The following KIF17 variants were observed in gnomAD, a reference collection of about 807,000 sequenced individuals.
KIF17 encodes kinesin family member 17, also known as kinesin-like protein KIF17.
Under a neutral mutation model 96.8 loss-of-function variants are expected in KIF17, and 80 were observed. That is an observed-to-expected ratio of 0.83 (90% CI 0.69 to 1.00). The LOEUF (loss-of-function observed/expected upper bound fraction) is 1.00, where lower values mean the gene tolerates loss of function less well. Among genes scored for constraint, KIF17 ranks in the 50% least tolerant of loss-of-function variants. The pLI is 0.00. For synonymous variants in KIF17, 567 were observed against 587.5 expected (o/e 0.97, Z 0.51); for missense variants, 1,280 against 1,372.9 (o/e 0.93, Z 1.07).
rs1312405934 is a variant in KIF17, at chr1:20,712,615, TA to T, written c.480+838del. Among the ~76,000 whole-genome samples the T allele has an allele frequency of 8.2e-4, 25 of 30,518 alleles. 4 individuals are homozygous for T. Among genetic ancestry groups the T allele is most frequent in the Admixed American group, 1.5e-3 (4 of 2,678 alleles). 20.0% of individuals were successfully genotyped at this position (30,518 alleles called of 152,430 possible). A position where few individuals can be genotyped will look rare whatever the true frequency, so the allele number is the denominator to read the frequency against. On this transcript the variant is annotated intron_variant, in intron 3 of 14. Transcript: ENST00000400463. ...ATATCTATATATATCTATATATATA[TA>T]ATATAGATAATATCTATATATATAA...
chr1:20,663,849 C>A (rs556123098), downstream of KIF17, among the ~76,000 whole-genome samples: 2 of 152,216 alleles, frequency 1.3e-5, no homozygotes, highest in African/African-American at 4.8e-5. Flanking sequence ...AAAATTCAGA[C>A]GCTCTTCCCA....
downstream of KIF17, among the ~76,000 whole-genome samples, chr1:20,662,781 G>A (rs2154534558): frequency 6.6e-6 from 1 of 152,328 alleles, no homozygotes; most frequent in African/African-American, 2.4e-5. Context: ...AACACCCTGA[G>A]TTCCACACCT....
intron 13 of KIF17, among the ~76,000 whole-genome samples, chr1:20,667,679 C>T (rs1482422752): frequency 6.6e-6 from 1 of 152,186 alleles, no homozygotes; most frequent in Non-Finnish European, 1.5e-5. Context: ...TGGAGAAAGC[C>T]TTCAGTTAGC....
At chr1:20,671,905 G>C in intron 12 of KIF17, 33 bp downstream of exon 12, 1 of 1,607,128 alleles carries the variant, frequency 6.2e-7, no homozygotes, top group Non-Finnish European at 8.5e-7. Context: ...GTGAAGGAGG[G>C]AGGGGAGGGC....
intron 6 of KIF17, among the ~76,000 whole-genome samples, chr1:20,695,699 T>C (rs1030408316): frequency 1.3e-5 from 2 of 152,020 alleles, no homozygotes; most frequent in African/African-American, 4.8e-5. Context: ...CTCCACCTCC[T>C]CTGAACCCAC....
At chr1:20,710,694 G>T (rs1015504422) in intron 3 of KIF17, among the ~76,000 whole-genome samples, 8 of 152,180 alleles carry the variant, frequency 5.3e-5, no homozygotes, top group Non-Finnish European at 1.2e-4. Context: ...GGGGTCCCAG[G>T]TGGGCTCAGG....
rs1462201431 is a variant in KIF17, at chr1:20,717,857, CG to C, written c.-152del. On this transcript the variant is annotated 5_prime_UTR_variant, in exon 1 of 15. Transcript: ENST00000400463. ...GCCGCGGCGGGGGGCGGGGACCCCT[CG>C]GGGGGCGCCCCGGAGGGGAGCTGGG... is the stretch of plus-strand genomic sequence containing the variant. 2.1e-6 allele frequency: 1 copy of C among 480,310 alleles called. No homozygotes were observed. Among genetic ancestry groups the C allele is most frequent in the Non-Finnish European group, 2.5e-6 (1 of 401,004 alleles). The allele number at this position is 480,310 out of a possible 1,614,324, so 29.8% of individuals were successfully genotyped here. A position where few individuals can be genotyped will look rare whatever the true frequency, so the allele number is the denominator to read the frequency against.
chr1:20,695,570 C>G (rs1041890718), intron 6 of KIF17, among the ~76,000 whole-genome samples: 1 of 152,298 alleles, frequency 6.6e-6, no homozygotes, highest in South Asian at 2.1e-4. Context: ...CAGTCCTACC[C>G]TTTAGCTCTG....
In KIF17 at chr1:20,664,531, G is replaced by A; in HGVS notation, c.*53C>T. 6.2e-7 allele frequency: 1 copy of A among 1,613,240 alleles called. No homozygotes were observed. The highest frequency in any genetic ancestry group is 8.5e-7 in the Non-Finnish European group (1 of 1,180,016). On this transcript the variant is annotated 3_prime_UTR_variant, in exon 15 of 15. Transcript: ENST00000400463. Reference sequence around the variant, plus strand: ...AGACCTGGTTGGGGCTGCCCTGGGAGGGCCTGGCAGTCTCTACATGCCTAT... The same window carrying A: ...AGACCTGGTTGGGGCTGCCCTGGGAAGGCCTGGCAGTCTCTACATGCCTAT...
At position 20,712,906 on chromosome 1, in the gene KIF17, T is replaced by TATAATATAGATAATATATTATC. The variant is rs1557607194; in HGVS notation, c.480+547_480+548insGATAATATATTATCTATATTAT. On this transcript the variant is annotated intron_variant, in intron 3 of 14. Coordinates refer to ENST00000400463, the MANE Select transcript of KIF17 (RefSeq NM_001122819.3). Reference sequence around the variant, plus strand: ...TATAATATAGATAATATTATCTATATTATATATATAATATATCTATATTAT... The same window carrying TATAATATAGATAATATATTATC: ...TATAATATAGATAATATTATCTATATATAATATAGATAATATATTATCTATATATATAATATATCTATATTAT... Among the ~76,000 whole-genome samples the TATAATATAGATAATATATTATC allele has an allele frequency of 8.6e-3, 897 of 103,954 alleles. 29 individuals carry two copies. Among genetic ancestry groups the TATAATATAGATAATATATTATC allele is most frequent in the African/African-American group, 0.033 (854 of 25,902 alleles). The allele number at this position is 103,954 out of a possible 152,430, so 68.2% of individuals were successfully genotyped here.
chr1:20,674,571 C>T (rs2053703901), intron 11 of KIF17, among the ~76,000 whole-genome samples: 1 of 132,246 alleles, frequency 7.6e-6, no homozygotes, highest in South Asian at 2.5e-4. Context: ...TCCAATTTAT[C>T]CCTCTTTTTT....
In KIF17 at chr1:20,682,740, G is replaced by A. The variant is rs116005658; in HGVS notation, c.2376C>T (p.Ser792=). The change falls in exon 11 of 15, where the codon AGC becomes AGT. Residue 792 remains serine, a synonymous_variant. Coordinates refer to ENST00000400463, the MANE Select transcript of KIF17 (RefSeq NM_001122819.3). ...AGACGTTAAGCAGCACCCAGTCCCC[G>A]CTGTCCTCATCCGAGTTCTGCAGGG... ...VAALQNSDED[S]GDWVLLNVYD... 5.1e-5 allele frequency: 82 copies of A among 1,613,358 alleles called. No homozygotes were observed. In the East Asian group the frequency reaches 1.0e-3, roughly 21 times the overall value.
downstream of KIF17, among the ~76,000 whole-genome samples, chr1:20,662,604 C>T (rs145426201): frequency 2.0e-4 from 30 of 152,316 alleles, no homozygotes; most frequent in African/African-American, 6.7e-4. Flanking sequence ...CACATCCGCC[C>T]GCCTCTAATT....
chr1:20,716,514 G>C (rs2054580728), intron 1 of KIF17, among the ~76,000 whole-genome samples: 1 of 152,260 alleles, frequency 6.6e-6, no homozygotes, highest in African/African-American at 2.4e-5. Context: ...GATGGCACAG[G>C]AAGAACGAAG....
chr1:20,690,352 G>GGGGGGGGGGGCCCCCC lies in KIF17; in HGVS notation c.1234-18_1234-17insGGGGGGCCCCCCCCCC. The GGGGGGGGGGGCCCCCC allele has an allele frequency of 4.4e-6, 2 of 451,158 alleles. No individual in the cohort carries two copies. The highest frequency in any genetic ancestry group is 6.0e-5 in the East Asian group (1 of 16,748). 27.9% of individuals were successfully genotyped at this position (451,158 alleles called of 1,614,324 possible). ...TTCATACTCCTGGGGGGGTGGGAGG[G>GGGGGGGGGGGCCCCCC]ACCAGAGGGCAGGCAGCATTTTATC... is the stretch of plus-strand genomic sequence containing the variant. On this transcript the variant is annotated splice_polypyrimidine_tract_variant and intron_variant, in intron 6 of 14. Coordinates refer to ENST00000400463, the MANE Select transcript of KIF17 (RefSeq NM_001122819.3).
chr1:20,684,894 C>T lies in KIF17; in HGVS notation c.2146G>A (p.Val716Met). The T allele has an allele frequency of 6.3e-7, 1 of 1,598,274 alleles. No homozygotes were observed. The highest frequency in any genetic ancestry group is 8.5e-7 in the Non-Finnish European group (1 of 1,172,578). The change falls in exon 10 of 15, where the codon GTG (valine) becomes ATG (methionine). Residue 716 changes from valine (V) to methionine (M), a missense_variant. Coordinates refer to ENST00000400463, the MANE Select transcript of KIF17 (RefSeq NM_001122819.3). ...QPEPLPATAG[V>M]KRESVGMEVA... ...TCCATGCCCACGCTCTCCCTCTTCA[C>T]ACCAGCTGTGGCCGGCAGGGGCTCA...
Position 20,685,351 on chromosome 1 carries a change from C to T in KIF17, c.2020-331G>A, listed in dbSNP as rs913678147. On this transcript the variant is annotated intron_variant, in intron 9 of 14. Transcript: ENST00000400463. The surrounding 1 kb of genome is among the most constrained non-coding windows in gnomAD (Gnocchi z 4.1). ...GCCCCATGTGACTTCCCGTCACGTT[C>T]GCAGGAAAGTCCACTTTCCTCCCTG... The T allele has an allele frequency of 1.7e-5, 8 of 481,792 alleles. No individual in the cohort carries two copies. Among genetic ancestry groups the T allele is most frequent in the Non-Finnish European group, 2.0e-5 (5 of 250,516 alleles). 29.8% of individuals were successfully genotyped at this position (481,792 alleles called of 1,614,324 possible). A position where few individuals can be genotyped will look rare whatever the true frequency, so the allele number is the denominator to read the frequency against.
In KIF17 at chr1:20,715,586, G is replaced by A. The variant is rs1026727952; in HGVS notation, c.285C>T (p.Ser95=). Residue 95 remains serine, a synonymous_variant, in exon 2 of 15, where the codon AGC becomes AGT. Coordinates refer to ENST00000400463, the MANE Select transcript of KIF17 (RefSeq NM_001122819.3). ...GTIFAYGQTG[S]GKSFTMQGLP... ...GGCCCTGCATGGTGAAGGACTTCCC[G>A]CTGCCTGTCTGGCCGTAGGCAAAGA... The A allele has an allele frequency of 7.4e-6, 12 of 1,613,148 alleles. No homozygotes were observed. Among genetic ancestry groups the A allele is most frequent in the Admixed American group, 6.7e-5 (4 of 59,968 alleles).
chr1:20,695,766 G>A (rs1387210584), intron 6 of KIF17, among the ~76,000 whole-genome samples: 1 of 152,008 alleles, frequency 6.6e-6, no homozygotes, highest in East Asian at 1.9e-4. Context: ...CTATAACCTC[G>A]ACTTCTCCTT....
Sources: gnomAD v4.1 joint callset for allele counts (sites outside exome capture counted in the v4.1 genomes callset) on GRCh38, gnomAD v4.1.1 for gene constraint, Gnocchi (gnomAD v3.1) non-coding constraint, MANE v1.5 for transcripts, NCBI Gene and HGNC (gene_info 2026-07-23, HGNC 2026-07-21) for gene names.